Variants in KCNQ5 observed in about 807,000 individuals in gnomAD.
KCNQ5 encodes the protein potassium voltage-gated channel subfamily Q member 5, also known as potassium voltage-gated channel subfamily KQT member 5.
Under a neutral mutation model 98.2 loss-of-function variants are expected in KCNQ5, and 30 were observed. The observed-to-expected ratio is 0.31, with a 90% CI of 0.23 to 0.41. The LOEUF is 0.41. KCNQ5 is among the 10% of genes least tolerant of loss of function. KCNQ5 has a pLI of 1.00. For synonymous variants in KCNQ5, 458 were observed against 449.4 expected (o/e 1.02, Z -0.24); for missense variants, 835 against 1,182.5 (o/e 0.71, Z 4.31).
intron 1 of KCNQ5, among the ~76,000 whole-genome samples, chr6:72,732,575 G>C (rs1187155639): frequency 6.6e-6 from 1 of 152,206 alleles, no homozygotes; most frequent in African/African-American, 2.4e-5. Context: ...GATGAAAGTG[G>C]AGAGGAAGCC....
At chr6:73,025,717 A>G (rs1250732945) in intron 2 of KCNQ5, among the ~76,000 whole-genome samples, 1 of 151,610 alleles carries the variant, frequency 6.6e-6, no homozygotes, top group Non-Finnish European at 1.5e-5. Context: ...AAAATCAAAT[A>G]TAAGATGGTT....
At chr6:73,152,149 T>C (rs1477506955) in intron 10 of KCNQ5, among the ~76,000 whole-genome samples, 1 of 152,180 alleles carries the variant, frequency 6.6e-6, no homozygotes, top group Admixed American at 6.5e-5. Flanking sequence ...AAGGCAAAAT[T>C]TTTAAGAGCT....
At chr6:72,881,988 GCT>G (rs1218700565) in intron 1 of KCNQ5, among the ~76,000 whole-genome samples, 3 of 152,252 alleles carry the variant, frequency 2.0e-5, no homozygotes, top group Admixed American at 2.0e-4. Context: ...ACCACACCCG[GCT>G]GTATGTAGAT....
At chr6:72,695,116 G>A (rs921820233) in intron 1 of KCNQ5, among the ~76,000 whole-genome samples, 9 of 152,120 alleles carry the variant, frequency 5.9e-5, no homozygotes, top group African/African-American at 2.2e-4. Flanking sequence ...GTCCACCAAT[G>A]ATGGGCACCT....
intron 1 of KCNQ5, among the ~76,000 whole-genome samples, chr6:72,984,926 G>C (rs907433424): frequency 6.6e-6 from 1 of 152,176 alleles, no homozygotes; most frequent in Non-Finnish European, 1.5e-5. Context: ...AAAGCAAGAA[G>C]TCAGGCACAG....
chr6:72,867,809 C>G (rs1003553782), intron 1 of KCNQ5, among the ~76,000 whole-genome samples: 1 of 151,798 alleles, frequency 6.6e-6, no homozygotes, highest in African/African-American at 2.4e-5. Context: ...GTGGGACATG[C>G]CTGTGGTCCT....
chr6:72,787,864 A>G (rs1561983632), intron 1 of KCNQ5, among the ~76,000 whole-genome samples: 2 of 152,236 alleles, frequency 1.3e-5, no homozygotes, highest in Non-Finnish European at 2.9e-5. Flanking sequence ...CCTGAGGGCC[A>G]ATCTGTCTCT....
At chr6:72,984,829 A>G (rs925121192) in intron 1 of KCNQ5, among the ~76,000 whole-genome samples, 1 of 152,208 alleles carries the variant, frequency 6.6e-6, no homozygotes, top group African/African-American at 2.4e-5. Flanking sequence ...AGCTGTTGCT[A>G]TTCGGCCATT....
At chr6:72,758,714 AATC>A (rs1340690759) in intron 1 of KCNQ5, among the ~76,000 whole-genome samples, 4 of 152,184 alleles carry the variant, frequency 2.6e-5, no homozygotes, top group Non-Finnish European at 5.9e-5. Context: ...CAGTGCCTAT[AATC>A]ATCTTTGAAT....
intron 1 of KCNQ5, among the ~76,000 whole-genome samples, chr6:72,829,865 T>C (rs1776164597): frequency 6.6e-6 from 1 of 152,124 alleles, no homozygotes; most frequent in Non-Finnish European, 1.5e-5. Context: ...AGCAAACAAG[T>C]TGTGGGTAAT....
chr6:72,744,640 GTC>G (rs981228017), intron 1 of KCNQ5, among the ~76,000 whole-genome samples: 64 of 151,914 alleles, frequency 4.2e-4, no homozygotes, highest in African/African-American at 1.4e-3. Context: ...GTGAAACCTT[GTC>G]TCTACTAAAA....
chr6:73,100,601 G>A (rs9446843), intron 5 of KCNQ5, among the ~76,000 whole-genome samples: 2,777 of 151,746 alleles, frequency 0.018, 81 homozygotes, highest in African/African-American at 0.064. Flanking sequence ...CCCGGGAGGC[G>A]GAGCTTGCAG....
intron 3 of KCNQ5, among the ~76,000 whole-genome samples, chr6:73,068,786 T>A (rs1322041256): frequency 4.6e-5 from 7 of 152,138 alleles, no homozygotes; most frequent in Non-Finnish European, 7.4e-5. Flanking sequence ...TAGTGTTAGG[T>A]ATGAGCTGGG....
chr6:72,813,284 C>T (rs1371007113), intron 1 of KCNQ5, among the ~76,000 whole-genome samples: 1 of 152,034 alleles, frequency 6.6e-6, no homozygotes, highest in East Asian at 1.9e-4. Flanking sequence ...AAGTCGTACC[C>T]TAAGAATATG....
At chr6:73,133,028 A>G (rs1420276813) in intron 9 of KCNQ5, among the ~76,000 whole-genome samples, 1 of 152,248 alleles carries the variant, frequency 6.6e-6, no homozygotes, top group African/African-American at 2.4e-5. Flanking sequence ...GAAATTACAA[A>G]GAGATATGCT....
chr6:73,006,757 G>A (rs1292551755), intron 2 of KCNQ5, among the ~76,000 whole-genome samples: 1 of 152,200 alleles, frequency 6.6e-6, no homozygotes, highest in Non-Finnish European at 1.5e-5. Context: ...CACCAGAGGT[G>A]TACATTTAGA....
intron 9 of KCNQ5, among the ~76,000 whole-genome samples, chr6:73,126,694 G>T (rs59347822): frequency 0.02 from 2,978 of 152,090 alleles, 215 homozygotes; most frequent in Admixed American, 0.12. Context: ...GCTTCTCTGT[G>T]GTCATTGAAC....
At chr6:73,101,468 C>T (rs141249844) in intron 5 of KCNQ5, among the ~76,000 whole-genome samples, 1,994 of 152,258 alleles carry the variant, frequency 0.013, 28 homozygotes, top group Non-Finnish European at 0.019. Context: ...TCAAGTTATG[C>T]TTGTTTGCAG....
intron 1 of KCNQ5, among the ~76,000 whole-genome samples, chr6:72,735,756 T>C (rs1770795567): frequency 6.6e-6 from 1 of 152,034 alleles, no homozygotes; most frequent in Non-Finnish European, 1.5e-5. Flanking sequence ...TTAAGAATTT[T>C]ATAAATGTAG....
Sources: gnomAD v4.1 joint callset for allele counts (sites outside exome capture counted in the v4.1 genomes callset) on GRCh38, gnomAD v4.1.1 for gene constraint, MANE v1.5 for transcripts, NCBI Gene and HGNC (gene_info 2026-07-23, HGNC 2026-07-21) for gene names.